CALN1: variants seen among roughly 807,000 people sequenced by gnomAD.
CALN1 encodes the protein calcium-binding protein 8.
In CALN1, 17 loss-of-function variants were observed where a neutral mutation model predicts 30.6. The observed-to-expected ratio is 0.56, with a 90% CI of 0.38 to 0.83. CALN1 has a LOEUF of 0.83. Among genes scored for constraint, CALN1 ranks in the 40% least tolerant of loss-of-function variants. The probability of loss-of-function intolerance (pLI) is 0.00; values close to 1 mark genes in which losing one functional copy is unlikely to be tolerated. For missense variants in CALN1, 291 were observed against 354.9 expected, an observed-to-expected ratio of 0.82 and a Z score of 1.45; for synonymous variants, 156 against 131.4, an observed-to-expected ratio of 1.19 and a Z score of -1.28.
At chr7:71,937,349 T>A (rs1795894952) in intron 5 of CALN1, among the ~76,000 whole-genome samples, 1 of 151,970 alleles carries the variant, frequency 6.6e-6, no homozygotes, top group Non-Finnish European at 1.5e-5. Flanking sequence ...CATACGTATT[T>A]ATATGTGTGT....
At chr7:72,015,208 G>A (rs1800307681) in intron 5 of CALN1, among the ~76,000 whole-genome samples, 1 of 152,124 alleles carries the variant, frequency 6.6e-6, no homozygotes, top group African/African-American at 2.4e-5. Flanking sequence ...AGGAAGCAAG[G>A]GTCAGAACCA....
chr7:71,794,775 GT>G (rs1786789920), intron 6 of CALN1, among the ~76,000 whole-genome samples: 1 of 152,166 alleles, frequency 6.6e-6, no homozygotes, highest in Non-Finnish European at 1.5e-5. Context: ...CCAAATCTTT[GT>G]TTTCATCTCT....
At position 72,092,470 on chromosome 7, in the gene CALN1, C is replaced by T. The variant is rs57528828; in HGVS notation, c.388+13681G>A. ...CACACACACATATATACACACATTC[C>T]GTGTCATTCAAATTCTGTTACTTTG... On this transcript the variant is annotated intron_variant, in intron 4 of 6. Coordinates refer to ENST00000395275, the MANE Select transcript of CALN1 (RefSeq NM_031468.4). Among the ~76,000 whole-genome samples the T allele has an allele frequency of 9.0e-3, 1,371 of 151,792 alleles. 15 individuals are homozygous for T. The highest frequency in any genetic ancestry group is 0.029 in the African/African-American group (1,196 of 41,344).
chr7:72,173,363 A>C (rs930011710), intron 3 of CALN1, among the ~76,000 whole-genome samples: 1 of 152,140 alleles, frequency 6.6e-6, no homozygotes, highest in African/African-American at 2.4e-5. Flanking sequence ...AAAATATTCC[A>C]TATTGTTAAG....
intron 5 of CALN1, among the ~76,000 whole-genome samples, chr7:72,016,157 G>A (rs1179806622): frequency 6.7e-6 from 1 of 149,752 alleles, no homozygotes; most frequent in African/African-American, 2.5e-5. Context: ...GCAGAGGCAG[G>A]AGAATTGCTT....
Position 72,338,525 on chromosome 7 carries a change from G to GTGTGTGTCTGTCTGTC in CALN1, c.120-59716_120-59715insGACAGACAGACACACA. ...TGTGTGTGTGTGTGTGTGTGTGTGT[G>GTGTGTGTCTGTCTGTC]TGTCTCACCTGGGTGTGGTTTCAGA... is the stretch of plus-strand genomic sequence containing the variant. On this transcript the variant is annotated intron_variant, in intron 2 of 6. Coordinates refer to ENST00000395275, the MANE Select transcript of CALN1 (RefSeq NM_031468.4). Among the ~76,000 whole-genome samples the GTGTGTGTCTGTCTGTC allele has an allele frequency of 1.6e-3, 194 of 122,368 alleles. 2 individuals are homozygous for GTGTGTGTCTGTCTGTC. Among genetic ancestry groups the GTGTGTGTCTGTCTGTC allele is most frequent in the African/African-American group, 4.2e-3 (136 of 32,088 alleles). The allele number at this position is 122,368 out of a possible 152,430, so 80.3% of individuals were successfully genotyped here. A position where few individuals can be genotyped will look rare whatever the true frequency, so the allele number is the denominator to read the frequency against.
intron 3 of CALN1, among the ~76,000 whole-genome samples, chr7:72,276,416 A>C (rs1234205194): frequency 6.6e-6 from 1 of 152,216 alleles, no homozygotes; most frequent in Non-Finnish European, 1.5e-5. Flanking sequence ...CTAACCACCA[A>C]CGTGATGTCA....
At chr7:72,258,119 AT>A (rs35614498) in intron 3 of CALN1, among the ~76,000 whole-genome samples, 1 of 151,734 alleles carries the variant, frequency 6.6e-6, no homozygotes, top group African/African-American at 2.4e-5. Flanking sequence ...ACTGAAATGA[AT>A]TTTTTAAAAA....
At chr7:72,252,343 T>C (rs764931732) in intron 3 of CALN1, among the ~76,000 whole-genome samples, 11 of 152,168 alleles carry the variant, frequency 7.2e-5, no homozygotes, top group South Asian at 6.2e-4. Context: ...CTCACATCTA[T>C]ATTCCTAGCA....
intron 2 of CALN1, among the ~76,000 whole-genome samples, chr7:72,288,075 T>C (rs1176255613): frequency 6.6e-6 from 1 of 151,860 alleles, no homozygotes; most frequent in African/African-American, 2.4e-5. Flanking sequence ...AATCAGGAGC[T>C]GCTTAAGCTG....
chr7:72,360,535 C>T (rs975540204), intron 2 of CALN1, among the ~76,000 whole-genome samples: 1 of 151,470 alleles, frequency 6.6e-6, no homozygotes, highest in African/African-American at 2.4e-5. Flanking sequence ...GGATGTCAAT[C>T]ACCTTGGAGG....
At chr7:72,336,024 GC>G (rs1387508207) in intron 2 of CALN1, among the ~76,000 whole-genome samples, 5 of 152,160 alleles carry the variant, frequency 3.3e-5, no homozygotes, top group Admixed American at 2.6e-4. Flanking sequence ...CCACCTGGGC[GC>G]CAGACCCATC....
intron 5 of CALN1, among the ~76,000 whole-genome samples, chr7:71,863,386 C>A (rs1323484369): frequency 1.3e-5 from 2 of 151,632 alleles, no homozygotes; most frequent in East Asian, 1.9e-4. Context: ...GGTGAAACCT[C>A]GACTCTACTA....
At chr7:72,408,780 G>A (rs1806891592) in intron 1 of CALN1, among the ~76,000 whole-genome samples, 1 of 143,298 alleles carries the variant, frequency 7.0e-6, no homozygotes, top group Non-Finnish European at 1.5e-5. Context: ...GGGCTCAAGT[G>A]ATCCTGCCAC....
intron 3 of CALN1, among the ~76,000 whole-genome samples, chr7:72,171,301 C>T (rs1563118719): frequency 2.0e-5 from 3 of 152,150 alleles, no homozygotes. Context: ...CTCTACACCT[C>T]CAAATAATCA....
chr7:71,956,119 C>T (rs935102798), intron 5 of CALN1, among the ~76,000 whole-genome samples: 1 of 152,000 alleles, frequency 6.6e-6, no homozygotes, highest in Non-Finnish European at 1.5e-5. Context: ...TCCCAAGTAG[C>T]TAGGATTACA....
intron 3 of CALN1, among the ~76,000 whole-genome samples, chr7:72,237,863 G>A (rs923501154): frequency 2.0e-5 from 3 of 152,204 alleles, no homozygotes; most frequent in African/African-American, 7.2e-5. Context: ...GAGTGCCCCA[G>A]AAATGTTACC....
At chr7:72,474,267 G>T in the CALN1 span, among the ~76,000 whole-genome samples, 4 of 152,176 alleles carry the variant, frequency 2.6e-5, no homozygotes, top group African/African-American at 9.7e-5. Flanking sequence ...CTCCTGTGTG[G>T]CATTGAAAGA....
At chr7:71,801,324 C>T (rs1221752620) in intron 6 of CALN1, among the ~76,000 whole-genome samples, 1 of 152,054 alleles carries the variant, frequency 6.6e-6, no homozygotes, top group Non-Finnish European at 1.5e-5. Flanking sequence ...GTGATCCTCC[C>T]ACCTGAGCCT....
Sources: allele counts gnomAD v4.1 joint callset (sites outside exome capture counted in the v4.1 genomes callset), GRCh38; gene constraint gnomAD v4.1.1; transcripts MANE v1.5; gene names NCBI Gene and HGNC (gene_info 2026-07-23, HGNC 2026-07-21).